SORCS1: variants seen among roughly 807,000 people sequenced by gnomAD.
The protein encoded by SORCS1 is sortilin related VPS10 domain containing receptor 1, also known as VPS10 domain-containing receptor SorCS1.
Under a neutral mutation model 146.1 loss-of-function variants are expected in SORCS1, and 60 were observed. The ratio of observed to expected loss-of-function variants is 0.41; its 90% CI spans 0.33 to 0.51. The LOEUF (loss-of-function observed/expected upper bound fraction) is 0.51. Ranked by LOEUF, SORCS1 falls within the 20% of genes least tolerant of loss-of-function variation. The pLI is 0.21. For synonymous variants in SORCS1, 637 were observed against 584.0 expected, an observed-to-expected ratio of 1.09 and a Z score of -1.31; for missense variants, 1,352 against 1,487.6, an observed-to-expected ratio of 0.91 and a Z score of 1.50.
rs1386420356 is a variant in SORCS1 at position 106,574,476 on chromosome 10, A to C, written c.*2944T>G. 1 of 152,432 alleles carries C rather than the reference A, an allele frequency of 6.6e-6. No individual in the cohort carries two copies. The highest frequency in any genetic ancestry group is 1.5e-5 in the Non-Finnish European group (1 of 68,038). The allele number at this position is 152,432 out of a possible 1,614,324, so 9.4% of individuals were successfully genotyped here. The stretch of plus-strand genomic sequence containing the variant: ...TCCCTCCCATTTGTAGGCTCTCATT[A>C]CTGCCTTCTGTTTGAGATTCAGCTG... On this transcript the variant is annotated 3_prime_UTR_variant, in exon 26 of 26. Transcript: ENST00000263054.
chr10:107,084,696 AAGGTAG>A (rs147943856), intron 1 of SORCS1, among the ~76,000 whole-genome samples: 3,192 of 152,280 alleles, frequency 0.021, 103 homozygotes, highest in African/African-American at 0.072. Flanking sequence ...CTCCATCTGA[AAGGTAG>A]AGGTACAGTA....
chr10:107,074,411 T>A (rs1962709120), intron 1 of SORCS1, among the ~76,000 whole-genome samples: 2 of 152,214 alleles, frequency 1.3e-5, no homozygotes, highest in African/African-American at 4.8e-5. Context: ...CTCCATTTTC[T>A]GGATGGTGCC....
intron 3 of SORCS1, among the ~76,000 whole-genome samples, chr10:106,791,046 T>C (rs1946294007): frequency 1.3e-5 from 2 of 152,346 alleles, no homozygotes; most frequent in Admixed American, 1.3e-4. Context: ...GTTTTATGCA[T>C]ATATAGATAT....
intron 18 of SORCS1, among the ~76,000 whole-genome samples, chr10:106,642,055 A>C (rs1849106374): frequency 6.6e-6 from 1 of 152,216 alleles, no homozygotes; most frequent in Admixed American, 6.5e-5. Flanking sequence ...ATTTGCTGAG[A>C]CAGTTGATTC....
At chr10:106,663,153 T>C (rs1850864048) in intron 17 of SORCS1, among the ~76,000 whole-genome samples, 1 of 152,180 alleles carries the variant, frequency 6.6e-6, no homozygotes, top group Non-Finnish European at 1.5e-5. Context: ...GGAAGAAGGA[T>C]AACTGATAAT....
At chr10:106,887,995 C>A (rs1951068648) in intron 2 of SORCS1, among the ~76,000 whole-genome samples, 1 of 152,354 alleles carries the variant, frequency 6.6e-6, no homozygotes, top group African/African-American at 2.4e-5. Context: ...TAACATGAAG[C>A]AAATTCCAAA....
Position 106,602,917 on chromosome 10 carries a change from C to T in SORCS1, c.3165+4249G>A, listed in dbSNP as rs562092618. Among the ~76,000 whole-genome samples, 49 of 152,302 alleles carry T rather than the reference C, an allele frequency of 3.2e-4. No individual in the cohort carries two copies. In the South Asian group the frequency reaches 8.1e-3, roughly 25 times the overall value. ...TTAAAACTGTCACCCTGCTCCCTAT[C>T]GAGATCTGCCTTTCCTTTCTTCCTT... On this transcript the variant is annotated intron_variant, in intron 23 of 25. Coordinates refer to ENST00000263054, the MANE Select transcript of SORCS1 (RefSeq NM_052918.5).
At chr10:106,933,250 T>A (rs970382047) in intron 2 of SORCS1, among the ~76,000 whole-genome samples, 1 of 152,188 alleles carries the variant, frequency 6.6e-6, no homozygotes, top group Non-Finnish European at 1.5e-5. Flanking sequence ...CGATTCTCTG[T>A]ATTTTCCAGA....
At chr10:106,895,768 T>C (rs1433468087) in intron 2 of SORCS1, among the ~76,000 whole-genome samples, 1 of 152,194 alleles carries the variant, frequency 6.6e-6, no homozygotes, top group Non-Finnish European at 1.5e-5. Context: ...TTTGATCCAG[T>C]AATCCCACTC....
intron 18 of SORCS1, among the ~76,000 whole-genome samples, chr10:106,629,922 T>C (rs968928393): frequency 3.3e-5 from 5 of 152,164 alleles, no homozygotes; most frequent in African/African-American, 4.8e-5. Flanking sequence ...CGCACGCCTA[T>C]AGTCCCAGCT....
rs192477243 is a variant in SORCS1, at chr10:106,768,017, A to C, written c.886-6356T>G. The stretch of plus-strand genomic sequence containing the variant: ...AAATCATTAGAAACAGGCAAATCAA[A>C]CTGTTCCAGGTAGCAATTGAAAAAT... On this transcript the variant is annotated intron_variant, in intron 4 of 25. Transcript: ENST00000263054. 1.5e-3 allele frequency among the ~76,000 whole-genome samples: 225 copies of C among 152,264 alleles called. 3 individuals carry two copies. Among genetic ancestry groups the C allele is most frequent in the Middle Eastern group, 3.4e-3 (1 of 294 alleles).
chr10:106,714,671 A>C (rs1372746886), intron 6 of SORCS1, among the ~76,000 whole-genome samples: 2 of 152,226 alleles, frequency 1.3e-5, no homozygotes, highest in Non-Finnish European at 2.9e-5. Flanking sequence ...AAAATAAATA[A>C]AAGATATATA....
chr10:106,617,271 A>G (rs1847435139), intron 21 of SORCS1, among the ~76,000 whole-genome samples: 1 of 151,488 alleles, frequency 6.6e-6, no homozygotes, highest in Non-Finnish European at 1.5e-5. Context: ...TCTCTTTCTC[A>G]TCCTCCTTCC....
chr10:107,144,844 T>C (rs906635541), intron 1 of SORCS1, among the ~76,000 whole-genome samples: 1 of 152,254 alleles, frequency 6.6e-6, no homozygotes, highest in Non-Finnish European at 1.5e-5. Context: ...ACATTTTGCA[T>C]TCCGTCACTT....
chr10:106,988,586 C>T (rs780085766), intron 1 of SORCS1, among the ~76,000 whole-genome samples: 3 of 151,968 alleles, frequency 2.0e-5, no homozygotes, highest in Admixed American at 6.6e-5. Flanking sequence ...CCTTTTAAGG[C>T]TAATGTGGGA....
At chr10:106,826,299 TATCTGGTACAAAAG>T (rs1250557211) in intron 3 of SORCS1, among the ~76,000 whole-genome samples, 2 of 152,230 alleles carry the variant, frequency 1.3e-5, no homozygotes, top group Non-Finnish European at 2.9e-5. Context: ...CAGAGAGAAG[TATCTGGTACAAAAG>T]ATTTTGACTT....
chr10:106,967,788 T>C (rs1955568696), intron 1 of SORCS1, among the ~76,000 whole-genome samples: 1 of 152,118 alleles, frequency 6.6e-6, no homozygotes, highest in Non-Finnish European at 1.5e-5. Flanking sequence ...CCTACTCAAA[T>C]TAGCTCACCT....
chr10:106,619,080 G>A (rs1300067460), intron 20 of SORCS1, among the ~76,000 whole-genome samples: 1 of 152,034 alleles, frequency 6.6e-6, no homozygotes, highest in East Asian at 1.9e-4. Flanking sequence ...CTAACGCCCA[G>A]CATGAGAAGC....
chr10:106,678,363 C>A (rs1192506939), intron 12 of SORCS1, among the ~76,000 whole-genome samples: 1 of 152,132 alleles, frequency 6.6e-6, no homozygotes, highest in African/African-American at 2.4e-5. Context: ...AATTTCTTCC[C>A]TTCCTCCTCC....
Sources: allele counts gnomAD v4.1 joint callset (sites outside exome capture counted in the v4.1 genomes callset), GRCh38; gene constraint gnomAD v4.1.1; transcripts MANE v1.5; gene names NCBI Gene and HGNC (gene_info 2026-07-23, HGNC 2026-07-21).